Variants in SORBS2 observed in about 807,000 individuals in gnomAD.
SORBS2 encodes sorbin and SH3 domain containing 2, also known as sorbin and SH3 domain-containing protein 2.
A neutral mutation model predicts 97.7 loss-of-function variants in SORBS2; 46 were observed. The observed-to-expected ratio is 0.47, with a 90% CI of 0.37 to 0.60. The LOEUF (loss-of-function observed/expected upper bound fraction) is 0.60, where lower values mean the gene tolerates loss of function less well. Ranked by LOEUF, SORBS2 falls within the 20% of genes least tolerant of loss-of-function variation. The pLI, the probability that SORBS2 is intolerant of heterozygous loss-of-function variation, is 0.00. For missense variants in SORBS2, 1,316 were observed against 1,282.3 expected (o/e 1.03, Z -0.40); for synonymous variants, 476 against 473.4 (o/e 1.01, Z -0.07).
intron 1 of SORBS2, among the ~76,000 whole-genome samples, chr4:185,886,545 ACT>A (rs2099239626): frequency 8.2e-6 from 1 of 122,340 alleles, no homozygotes; most frequent in Non-Finnish European, 1.6e-5. Context: ...ACAGAGCAAG[ACT>A]CTGTCTCAAA....
At chr4:185,633,271 C>T (rs1402893484) in intron 4 of SORBS2, among the ~76,000 whole-genome samples, 1 of 151,932 alleles carries the variant, frequency 6.6e-6, no homozygotes, top group African/African-American at 2.4e-5. Context: ...TTGTTTTTAC[C>T]AGAAATGTTT....
Position 185,623,465 on chromosome 4 carries a change from C to CGGTGGTGGTGGTGGTGGTGAT in SORBS2, c.1643_1663dup (p.His548_His554dup). ...GCCTTTGCAGGAGCTGATGAGGTGGCGGTGGTGGTGGTGGTGGTGATGGTG... is the reference window on the plus strand; with the variant it reads ...GCCTTTGCAGGAGCTGATGAGGTGGCGGTGGTGGTGGTGGTGGTGATGGTGGTGGTGGTGGTGGTGATGGTG... On this transcript the variant is annotated inframe_insertion, in exon 7 of 15. Coordinates refer to ENST00000418609, the Ensembl canonical transcript of SORBS2. The surrounding 1 kb of genome is among the most constrained non-coding windows in gnomAD (Gnocchi z 6.4). 3 of 1,612,016 alleles carry CGGTGGTGGTGGTGGTGGTGAT rather than the reference C, an allele frequency of 1.9e-6. No individual in the cohort carries two copies. Among genetic ancestry groups the CGGTGGTGGTGGTGGTGGTGAT allele is most frequent in the Non-Finnish European group, 2.5e-6 (3 of 1,179,894 alleles).
intron 1 of SORBS2, among the ~76,000 whole-genome samples, chr4:185,931,099 A>G (rs934332237): frequency 1.3e-5 from 2 of 152,226 alleles, no homozygotes; most frequent in Non-Finnish European, 2.9e-5. Flanking sequence ...TCTACACAGA[A>G]TTACATACAT....
intron 2 of SORBS2, among the ~76,000 whole-genome samples, chr4:185,719,578 G>A (rs1398293689): frequency 6.6e-6 from 1 of 152,190 alleles, no homozygotes; most frequent in African/African-American, 2.4e-5. Flanking sequence ...TGATATTTTG[G>A]TGGCAAGCAT....
chr4:185,677,017 G>A, intron 4 of SORBS2: 1 of 1,550,656 alleles, frequency 6.4e-7, no homozygotes, highest in Non-Finnish European at 8.7e-7. Flanking sequence ...TCTGAGGACT[G>A]AGAGGCCGCT....
At chr4:185,683,681 TA>T (rs1198069782) in intron 2 of SORBS2, among the ~76,000 whole-genome samples, 1 of 151,102 alleles carries the variant, frequency 6.6e-6, no homozygotes, top group Non-Finnish European at 1.5e-5. Flanking sequence ...ACTTAATATA[TA>T]ACTGAACTCA....
At chr4:185,875,578 A>T (rs1310653959) in intron 1 of SORBS2, among the ~76,000 whole-genome samples, 5 of 152,240 alleles carry the variant, frequency 3.3e-5, no homozygotes, top group Admixed American at 6.5e-5. Context: ...AATTATGCAC[A>T]TAATCTATGA....
At chr4:185,605,539 C>A (rs1478589751) in intron 12 of SORBS2, among the ~76,000 whole-genome samples, 1 of 152,058 alleles carries the variant, frequency 6.6e-6, no homozygotes, top group Non-Finnish European at 1.5e-5. Context: ...CAGCCTTGGG[C>A]TCCCAAAGTG....
chr4:185,659,344 C>T (rs942766258), upstream of SORBS2, among the ~76,000 whole-genome samples: 6 of 152,030 alleles, frequency 3.9e-5, no homozygotes, highest in African/African-American at 9.7e-5. Flanking sequence ...GTTGAAGTCC[C>T]GGGTTGTAGT....
intron 1 of SORBS2, among the ~76,000 whole-genome samples, chr4:185,791,495 T>C (rs2099079918): frequency 6.6e-6 from 1 of 152,138 alleles, no homozygotes; most frequent in African/African-American, 2.4e-5. Context: ...ATAATGGACG[T>C]ACAAAGCCAG....
intron 2 of SORBS2, among the ~76,000 whole-genome samples, chr4:185,696,787 G>T (rs73873303): frequency 0.027 from 4,075 of 152,214 alleles, 192 homozygotes; most frequent in African/African-American, 0.094. Context: ...TAATCTTAGG[G>T]ATCATTACGG....
intron 12 of SORBS2, among the ~76,000 whole-genome samples, chr4:185,602,043 G>A (rs546517818): frequency 6.6e-6 from 1 of 152,022 alleles, no homozygotes; most frequent in African/African-American, 2.4e-5. Flanking sequence ...ATGGAGTCTC[G>A]CTCTGTTGCC....
chr4:185,810,193 G>C (rs529046075), intron 1 of SORBS2, among the ~76,000 whole-genome samples: 1 of 152,238 alleles, frequency 6.6e-6, no homozygotes, highest in East Asian at 1.9e-4. Flanking sequence ...CACATGTTTG[G>C]CTCCACTGAG....
At chr4:185,806,492 C>CTG (rs985941970) in intron 1 of SORBS2, among the ~76,000 whole-genome samples, 1 of 112,476 alleles carries the variant, frequency 8.9e-6, no homozygotes, top group Non-Finnish European at 1.6e-5. Flanking sequence ...GAGTCTCGCT[C>CTG]TGTCGCCCAG....
At chr4:185,764,715 T>C (rs796881181) in intron 2 of SORBS2, among the ~76,000 whole-genome samples, 189 of 152,246 alleles carry the variant, frequency 1.2e-3, no homozygotes, top group African/African-American at 4.3e-3. Flanking sequence ...AAATAGCAAA[T>C]AGAGGGAAAG....
At chr4:185,842,504 A>G (rs1316514712) in intron 1 of SORBS2, among the ~76,000 whole-genome samples, 2 of 152,198 alleles carry the variant, frequency 1.3e-5, no homozygotes, top group Non-Finnish European at 2.9e-5. Flanking sequence ...TGGACACCCC[A>G]TGAAAGTTAT....
chr4:185,846,077 T>C (rs1258773814), intron 1 of SORBS2, among the ~76,000 whole-genome samples: 1 of 152,216 alleles, frequency 6.6e-6, no homozygotes, highest in Non-Finnish European at 1.5e-5. Context: ...AAAACATATG[T>C]TCATACAAAA....
rs374877006 is a variant in SORBS2, at chr4:185,622,320, CT to C, written c.2215+593del. 1.9e-4 allele frequency among the ~76,000 whole-genome samples: 29 copies of C among 152,244 alleles called. No individual in the cohort carries two copies. In the East Asian group the frequency reaches 4.4e-3, roughly 23 times the overall value. ...AATACACTAAATGGTGGAAATGGGACTTTTATATATATAGCTTAAAGATACA... is the reference window on the plus strand; with the variant it reads ...AATACACTAAATGGTGGAAATGGGACTTTATATATATAGCTTAAAGATACA... On this transcript the variant is annotated intron_variant, in intron 7 of 14. Coordinates refer to ENST00000418609, the Ensembl canonical transcript of SORBS2.
At chr4:185,666,136 G>T (rs1195353041) in intron 4 of SORBS2, 2 of 1,289,814 alleles carry the variant, frequency 1.6e-6, no homozygotes, top group Admixed American at 2.3e-5. Flanking sequence ...AGAAGCTTCT[G>T]GTGTGGTTTG....
Sources: gnomAD v4.1 joint callset for allele counts (sites outside exome capture counted in the v4.1 genomes callset) on GRCh38, gnomAD v4.1.1 for gene constraint, Gnocchi (gnomAD v3.1) non-coding constraint, MANE v1.5 for transcripts, NCBI Gene and HGNC (gene_info 2026-07-23, HGNC 2026-07-21) for gene names.